HOXA10: variants seen among roughly 807,000 people sequenced by gnomAD.
HOXA10 encodes homeobox protein Hox-A10.
HOXA10 carries 12 observed loss-of-function variants against 29.7 expected under a neutral mutation model. That is an observed-to-expected ratio of 0.40 (90% CI 0.26 to 0.65). The LOEUF is 0.65. HOXA10 is among the 30% of genes least tolerant of loss of function. The pLI is 0.37. For missense variants in HOXA10, 656 were observed against 585.9 expected, an observed-to-expected ratio of 1.12 and a Z score of -1.24; for synonymous variants, 327 against 280.7, an observed-to-expected ratio of 1.16 and a Z score of -1.65.
At position 27,171,011 on chromosome 7, in the gene HOXA10, G is replaced by A. The variant is rs1207795334; in HGVS notation, c.*888C>T. On this transcript the variant is annotated 3_prime_UTR_variant, in exon 2 of 2. Transcript: ENST00000283921. ...GCGATTTAAAAAAACAACTTCACAA[G>A]ATAGGGAGAATTGTGGTGTGCTTGT... 2.2e-6 allele frequency: 1 copy of A among 453,428 alleles called. No homozygotes were observed. Among genetic ancestry groups the A allele is most frequent in the Non-Finnish European group, 4.4e-6 (1 of 226,636 alleles). The allele number at this position is 453,428 out of a possible 1,614,324, so 28.1% of individuals were successfully genotyped here.
At chr7:27,178,812 T>A (rs919655646), upstream of HOXA10, among the ~76,000 whole-genome samples, 7 of 152,172 alleles carry the variant, frequency 4.6e-5, no homozygotes, top group South Asian at 8.3e-4. Flanking sequence ...GTAGAAAAAA[T>A]TAAATATAGG....
Position 27,171,825 on chromosome 7 carries a change from C to T in HOXA10, c.*74G>A. 6.6e-7 allele frequency: 1 copy of T among 1,511,404 alleles called. No homozygotes were observed. The highest frequency in any genetic ancestry group is 9.2e-7 in the Non-Finnish European group (1 of 1,087,438). The allele number at this position is 1,511,404 out of a possible 1,614,324, so 93.6% of individuals were successfully genotyped here. On this transcript the variant is annotated 3_prime_UTR_variant, in exon 2 of 2. Transcript: ENST00000283921. ...AGGGCTCCAGCACAGGTGCGAGTTC[C>T]TGGGCAGAGCCTGAAGACAGAGGGA...
At chr7:27,172,547 G>A in intron 1 of HOXA10, 1 of 299,910 alleles carries the variant, frequency 3.3e-6, no homozygotes, top group Non-Finnish European at 6.3e-6. Flanking sequence ...CCCAGGCTAG[G>A]AGCGCGGGGT....
At chr7:27,172,284 G>A (rs1209202526) in intron 1 of HOXA10, 111 bp from the exon 2 acceptor site, 3 of 1,156,694 alleles carry the variant, frequency 2.6e-6, no homozygotes, top group Non-Finnish European at 3.9e-6. Flanking sequence ...AAGTCACAGA[G>A]AAGAGAGTCG....
At chr7:27,179,590 C>T (rs1157711286) in intron 1 of HOXA10, 8 of 761,774 alleles carry the variant, frequency 1.1e-5, no homozygotes, top group African/African-American at 1.7e-5. Flanking sequence ...TAGACATCGG[C>T]CACCTCCCCA....
upstream of HOXA10, chr7:27,174,597 C>T (rs927659166): frequency 2.1e-6 from 1 of 487,760 alleles, no homozygotes; most frequent in Non-Finnish European, 3.6e-6. Context: ...CGCCCCTACC[C>T]GGACGTGAGC....
In HOXA10 at chr7:27,174,028, C is replaced by A. The variant is rs1172919646; in HGVS notation, c.279G>T (p.Ser93=). 2.0e-6 allele frequency: 3 copies of A among 1,531,334 alleles called. No individual in the cohort carries two copies. Among genetic ancestry groups the A allele is most frequent in the Admixed American group, 2.0e-5 (1 of 50,916 alleles). 94.9% of individuals were successfully genotyped at this position (1,531,334 alleles called of 1,614,324 possible). The change falls in exon 1 of 2, where the codon TCG becomes TCT. Residue 93 remains serine, a synonymous_variant. Transcript: ENST00000283921. ...CCCCGCCACCGCCACCGCTGCCCGGCGACGCTGCCTCATTGCGCTTGCCGC... is the reference window on the plus strand; with the variant it reads ...CCCCGCCACCGCCACCGCTGCCCGGAGACGCTGCCTCATTGCGCTTGCCGC... The part of the protein sequence containing the change: ...TLGGKRNEAA[S]PGSGGGGGGL...
chr7:27,171,899 T>A lies in HOXA10; in HGVS notation c.1233A>T (p.Ter411CysextTer1), dbSNP rs377167771. ...AAAAACCGCGTCGCCTGGAGATTCA[T>A]CAGGAAAAATTAAAGTTGGCTGTGA... ...RELTANFNFS[*>C] The change falls in exon 2 of 2, where the codon TGA becomes TGT. Residue 411 changes from the stop codon to cysteine, a stop_lost. Coordinates refer to ENST00000283921, the MANE Select transcript of HOXA10 (RefSeq NM_018951.4). 6.2e-7 allele frequency: 1 copy of A among 1,614,130 alleles called. No homozygotes were observed. The highest frequency in any genetic ancestry group is 1.1e-5 in the South Asian group (1 of 91,076).
chr7:27,179,670 C>A (rs775744753), exon 1 of HOXA10: 1 of 778,874 alleles, frequency 1.3e-6, no homozygotes, highest in Non-Finnish European at 2.4e-6. Flanking sequence ...GAAATCACTG[C>A]CAAGGGACAG....
upstream of HOXA10, among the ~76,000 whole-genome samples, chr7:27,176,713 A>C (rs1783660015): frequency 6.6e-6 from 1 of 152,228 alleles, no homozygotes; most frequent in Non-Finnish European, 1.5e-5. Context: ...TGCAGAAAGC[A>C]ACTTCCCAGG....
upstream of HOXA10, among the ~76,000 whole-genome samples, chr7:27,176,609 G>A (rs1783658547): frequency 6.6e-6 from 1 of 152,228 alleles, no homozygotes; most frequent in Admixed American, 6.5e-5. Context: ...TGGCAAGTGG[G>A]TCCCAAGACC....
chr7:27,178,105 C>G (rs534647665), upstream of HOXA10, among the ~76,000 whole-genome samples: 307 of 152,282 alleles, frequency 2.0e-3, no homozygotes, highest in Non-Finnish European at 3.6e-3. Flanking sequence ...GTCCTGAGAT[C>G]GAAACTGCTA....
chr7:27,178,594 AG>A (rs1783694791), upstream of HOXA10, among the ~76,000 whole-genome samples: 3 of 152,332 alleles, frequency 2.0e-5, no homozygotes, highest in Non-Finnish European at 4.4e-5. Context: ...CGCTGCAGAG[AG>A]CAGCTCACTG....
rs776118615 is a variant in HOXA10 at position 27,174,148 on chromosome 7, GCCGCCGCCCCCCGCGCCACCACCA to G, written c.135_158del (p.Ala49_Gly56del). 2.5e-6 allele frequency: 4 copies of G among 1,595,612 alleles called. No individual in the cohort carries two copies. Among genetic ancestry groups the G allele is most frequent in the Non-Finnish European group, 3.4e-6 (4 of 1,178,638 alleles). Reference sequence around the variant, plus strand: ...CGCCGTGGGCGTAGTAACCGCCACCGCCGCCGCCCCCCGCGCCACCACCACCGCCGCCTGCCTCGCCTCTGCCCG... The same window carrying G: ...CGCCGTGGGCGTAGTAACCGCCACCGCCGCCGCCTGCCTCGCCTCTGCCCG... On this transcript the variant is annotated inframe_deletion, in exon 1 of 2. Transcript: ENST00000283921.
chr7:27,179,630 A>C, intron 1 of HOXA10: 4 of 778,190 alleles, frequency 5.1e-6, no homozygotes, highest in Non-Finnish European at 9.6e-6. Flanking sequence ...AAATTGCTAA[A>C]CTTGTGGCCT....
chr7:27,170,681 T>A lies in HOXA10; in HGVS notation c.*1218A>T, dbSNP rs1324717994. The A allele has an allele frequency of 9.7e-6, 4 of 410,296 alleles. No individual in the cohort carries two copies. Among genetic ancestry groups the A allele is most frequent in the Non-Finnish European group, 1.9e-5 (4 of 210,958 alleles). The allele number at this position is 410,296 out of a possible 1,614,324, so 25.4% of individuals were successfully genotyped here. A position where few individuals can be genotyped will look rare whatever the true frequency, so the allele number is the denominator to read the frequency against. On this transcript the variant is annotated 3_prime_UTR_variant, in exon 2 of 2. Transcript: ENST00000283921. ...GCACAGCAGCAATACAATATTAATT[T>A]ATTCTGATTTAAGATTAGAAGTAAA...
At chr7:27,179,663 A>G in exon 1 of HOXA10, 1 of 779,138 alleles carries the variant, frequency 1.3e-6, no homozygotes, top group Non-Finnish European at 2.4e-6. Flanking sequence ...CATTTCCGAA[A>G]TCACTGCCAA....
At position 27,173,476 on chromosome 7, in the gene HOXA10, C is replaced by T. The variant is rs778866706; in HGVS notation, c.831G>A (p.Thr277=). Residue 277 remains threonine (T), a synonymous_variant, in exon 1 of 2, where the codon ACG becomes ACA. Transcript: ENST00000283921. ...AGCCCCCGCCGCTGCCGCAAGCCAG[C>T]GTGGGGGGCGGCGGCGAATCGAGGG... ...ERALDSPPPP[T]LACGSGGGSQ... 3.6e-5 allele frequency: 56 copies of T among 1,565,456 alleles called. No homozygotes were observed. Among genetic ancestry groups the T allele is most frequent in the Middle Eastern group, 4.2e-4 (2 of 4,806 alleles).
chr7:27,177,636 C>T (rs1001204952), upstream of HOXA10, among the ~76,000 whole-genome samples: 7 of 152,174 alleles, frequency 4.6e-5, no homozygotes, highest in African/African-American at 1.7e-4. Context: ...ATAAAATATT[C>T]CATTTATTGA....
Sources: allele counts gnomAD v4.1 joint callset (sites outside exome capture counted in the v4.1 genomes callset), GRCh38; gene constraint gnomAD v4.1.1; transcripts MANE v1.5; gene names NCBI Gene and HGNC (gene_info 2026-07-23, HGNC 2026-07-21).